Variants in TRIP12 observed in about 807,000 individuals in gnomAD.
The protein encoded by TRIP12 is E3 ubiquitin-protein ligase TRIP12.
TRIP12 carries 25 observed loss-of-function variants against 244.2 expected under a neutral mutation model. The observed-to-expected ratio is 0.10, with a 90% CI of 0.07 to 0.14. The LOEUF (loss-of-function observed/expected upper bound fraction) is 0.14. Ranked by LOEUF, TRIP12 falls within the 10% of genes least tolerant of loss-of-function variation. The pLI is 1.00. For missense variants in TRIP12, 1,677 were observed against 2,486.4 expected (o/e 0.67, Z 6.92); for synonymous variants, 905 against 873.1 (o/e 1.04, Z -0.64).
chr2:229,862,142 C>T lies in TRIP12; in HGVS notation c.99-1611G>A, dbSNP rs368630624. Among the ~76,000 whole-genome samples the T allele has an allele frequency of 2.3e-4, 35 of 152,206 alleles. No homozygotes were observed. In the East Asian group the frequency reaches 4.0e-3, roughly 18 times the overall value. On this transcript the variant is annotated intron_variant, in intron 2 of 41. Transcript: ENST00000675903. The stretch of plus-strand genomic sequence containing the variant: ...CACTATCTCGGCTCACTGCAACCTC[C>T]GCCTCCCAGGATCATGTGATTTTCC...
At chr2:229,873,529 A>G (rs1296536109) in intron 2 of TRIP12, among the ~76,000 whole-genome samples, 1 of 152,196 alleles carries the variant, frequency 6.6e-6, no homozygotes, top group Non-Finnish European at 1.5e-5. Context: ...TATTGAGAGA[A>G]AAGAGCAGGA....
chr2:229,773,157 C>T (rs1359922633), intron 38 of TRIP12, among the ~76,000 whole-genome samples: 1 of 151,464 alleles, frequency 6.6e-6, no homozygotes. Context: ...CTCACTGGAA[C>T]CTCCACCTCC....
chr2:229,809,899 G>A (rs2046848565), intron 15 of TRIP12, among the ~76,000 whole-genome samples: 1 of 152,190 alleles, frequency 6.6e-6, no homozygotes, highest in African/African-American at 2.4e-5. Flanking sequence ...TAAATATACT[G>A]TCTCAGACAG....
Position 229,799,278 on chromosome 2 carries a change from G to T in TRIP12, c.3307+5C>A. On this transcript the variant is annotated splice_donor_5th_base_variant and intron_variant, in intron 22 of 41. Transcript: ENST00000675903. Reference sequence around the variant, plus strand: ...ACCTCCCCATAGTTTCATCAAAGGGGTTACCTTGATTGTCTACTTTGTCAT... The same window carrying T: ...ACCTCCCCATAGTTTCATCAAAGGGTTTACCTTGATTGTCTACTTTGTCAT... 2 of 1,613,978 alleles carry T rather than the reference G, an allele frequency of 1.2e-6. No homozygotes were observed. The highest frequency in any genetic ancestry group is 1.1e-5 in the South Asian group (1 of 91,072).
chr2:229,896,084 A>G (rs2068735901), intron 1 of TRIP12, among the ~76,000 whole-genome samples: 1 of 152,156 alleles, frequency 6.6e-6, no homozygotes, highest in Admixed American at 6.5e-5. Flanking sequence ...TTTTTCCACC[A>G]GCAGAAAAGA....
intron 6 of TRIP12, among the ~76,000 whole-genome samples, chr2:229,836,140 C>A (rs1298352889): frequency 6.6e-6 from 1 of 152,130 alleles, no homozygotes; most frequent in Non-Finnish European, 1.5e-5. Context: ...TCTGAAATAT[C>A]TTTATTCAAA....
intron 2 of TRIP12, among the ~76,000 whole-genome samples, chr2:229,875,156 T>C (rs1026976765): frequency 2.6e-5 from 4 of 152,062 alleles, no homozygotes; most frequent in Non-Finnish European, 4.4e-5. Context: ...AGAAAAATAA[T>C]AGAAGAGGAA....
Position 229,808,489 on chromosome 2 carries a change from A to G in TRIP12, c.2222-120T>C, listed in dbSNP as rs13431917. 5.4e-3 allele frequency: 3,618 copies of G among 675,084 alleles called. 100 individuals are homozygous for G. The African/African-American group carries it at 0.061, about 11-fold the overall frequency. 41.8% of individuals were successfully genotyped at this position (675,084 alleles called of 1,614,324 possible). ...AATCATTTTCTTACAAAGCAACATA[A>G]TGCAGAAATTAATGTAAAAAATGCA... On this transcript the variant is annotated intron_variant, in intron 15 of 41. Coordinates refer to ENST00000675903, the MANE Select transcript of TRIP12 (RefSeq NM_001348323.3).
intron 33 of TRIP12, 35 bp from the exon 34 acceptor site, chr2:229,785,890 T>C (rs2039856063): frequency 6.4e-7 from 1 of 1,569,418 alleles, no homozygotes; most frequent in African/African-American, 1.4e-5. Context: ...GAAACTATGC[T>C]CTACCCATAT....
intron 38 of TRIP12, among the ~76,000 whole-genome samples, chr2:229,772,239 A>G (rs1022643704): frequency 2.0e-5 from 3 of 152,246 alleles, no homozygotes; most frequent in Admixed American, 6.5e-5. Flanking sequence ...CAACATTTTC[A>G]GATAAAAATG....
chr2:229,817,707 C>T (rs969300924), intron 9 of TRIP12, among the ~76,000 whole-genome samples: 1 of 152,118 alleles, frequency 6.6e-6, no homozygotes, highest in Non-Finnish European at 1.5e-5. Flanking sequence ...GACTGTCCTG[C>T]CTCAGCCTCC....
intron 1 of TRIP12, among the ~76,000 whole-genome samples, chr2:229,895,520 A>T (rs1328660738): frequency 6.6e-6 from 1 of 150,872 alleles, no homozygotes; most frequent in Non-Finnish European, 1.5e-5. Flanking sequence ...AAGACATCTA[A>T]ACCCAGACAT....
At chr2:229,883,146 T>G (rs950455886) in intron 1 of TRIP12, among the ~76,000 whole-genome samples, 5 of 152,178 alleles carry the variant, frequency 3.3e-5, no homozygotes, top group African/African-American at 1.2e-4. Flanking sequence ...CCCTTATACT[T>G]TGCAGACAAA....
At chr2:229,794,654 T>C (rs948846998) in intron 26 of TRIP12, among the ~76,000 whole-genome samples, 15 of 152,102 alleles carry the variant, frequency 9.9e-5, no homozygotes, top group Non-Finnish European at 2.1e-4. Flanking sequence ...ATGAAACTTG[T>C]AACATTCCAC....
chr2:229,806,392 TCGCCA>T (rs1421426101), intron 17 of TRIP12, among the ~76,000 whole-genome samples: 1 of 152,216 alleles, frequency 6.6e-6, no homozygotes, highest in Non-Finnish European at 1.5e-5. Context: ...AACAGATTAA[TCGCCA>T]AGGTTGTGTG....
Position 229,859,587 on chromosome 2 carries a change from A to G in TRIP12, c.225-13T>C. On this transcript the variant is annotated splice_polypyrimidine_tract_variant and intron_variant, in intron 3 of 41. Transcript: ENST00000675903. Reference sequence around the variant, plus strand: ...TGAACTGCAGCTTCTAAGAGGTTAGATAAGAAAACAGTTAATATCAGCCTG... The same window carrying G: ...TGAACTGCAGCTTCTAAGAGGTTAGGTAAGAAAACAGTTAATATCAGCCTG... 1.9e-6 allele frequency: 3 copies of G among 1,600,942 alleles called. No individual in the cohort carries two copies. Among genetic ancestry groups the G allele is most frequent in the Non-Finnish European group, 2.6e-6 (3 of 1,174,308 alleles).
intron 41 of TRIP12, 22 bp from the exon 42 acceptor site, chr2:229,767,772 A>G (rs1238231798): frequency 1.3e-6 from 2 of 1,595,966 alleles, no homozygotes; most frequent in Non-Finnish European, 8.5e-7. Context: ...AAAAAGAAAG[A>G]CAAGGAACTT....
Position 229,811,024 on chromosome 2 carries a change from A to T in TRIP12, c.2077T>A (p.Ser693Thr), listed in dbSNP as rs2047122128. ...HEENLLQQVA[S>T]KDLLTNVQQL... ...TGAACATTTGTAAGCAGATCTTTGG[A>T]AGCAACCTGCTGGAGTAAATTCTTC... is the stretch of plus-strand genomic sequence containing the variant. Residue 693 changes from serine to threonine, a missense_variant, in exon 15 of 42, where the codon TCC becomes ACC. Physicochemically the swap from Ser to Thr is moderately conservative, Grantham distance 58. This residue lies in a region of TRIP12 where 572 missense variants were observed against 867.8 expected (regional missense o/e 0.66). Transcript: ENST00000675903. The T allele has an allele frequency of 6.2e-7, 1 of 1,613,902 alleles. No homozygotes were observed. Among genetic ancestry groups the T allele is most frequent in the African/African-American group, 1.3e-5 (1 of 74,914 alleles).
chr2:229,766,220 T>A lies in TRIP12; in HGVS notation c.*1334A>T, dbSNP rs1259777477. On this transcript the variant is annotated 3_prime_UTR_variant, in exon 42 of 42. Transcript: ENST00000675903. ...GACCTTAGGAAGGAATCTCCTCCCATTTTCTCTTCACATTTTAGTTTCTTC... is the reference window on the plus strand; with the variant it reads ...GACCTTAGGAAGGAATCTCCTCCCAATTTCTCTTCACATTTTAGTTTCTTC... 2 of 152,212 alleles carry A rather than the reference T, an allele frequency of 1.3e-5. No homozygotes were observed. Among genetic ancestry groups the A allele is most frequent in the Non-Finnish European group, 2.9e-5 (2 of 68,030 alleles). 9.4% of individuals were successfully genotyped at this position (152,212 alleles called of 1,614,324 possible).
Sources: allele counts gnomAD v4.1 joint callset (sites outside exome capture counted in the v4.1 genomes callset), GRCh38; gene constraint gnomAD v4.1.1; regional missense constraint gnomAD v4.1.1; transcripts MANE v1.5; gene names NCBI Gene and HGNC (gene_info 2026-07-23, HGNC 2026-07-21).